TTLL7: variants seen among roughly 807,000 people sequenced by gnomAD.
The protein encoded by TTLL7 is tubulin tyrosine ligase like 7.
In TTLL7, 53 loss-of-function variants were observed where a neutral mutation model predicts 120.2. The observed-to-expected ratio is 0.44, with a 90% CI of 0.35 to 0.55. The LOEUF is 0.55. Ranked by LOEUF, TTLL7 falls within the 20% of genes least tolerant of loss-of-function variation. The pLI is 0.00. For synonymous variants in TTLL7, 353 were observed against 351.7 expected, an observed-to-expected ratio of 1.00 and a Z score of -0.04; for missense variants, 803 against 1,054.7, an observed-to-expected ratio of 0.76 and a Z score of 3.31.
intron 1 of TTLL7, among the ~76,000 whole-genome samples, chr1:83,965,626 T>G (rs1463559124): frequency 6.6e-6 from 1 of 152,180 alleles, no homozygotes; most frequent in Non-Finnish European, 1.5e-5. Flanking sequence ...CCTTATTTGA[T>G]TATTTAAATA....
intron 20 of TTLL7, among the ~76,000 whole-genome samples, chr1:83,877,421 G>A (rs1000079438): frequency 6.6e-6 from 1 of 151,984 alleles, no homozygotes; most frequent in Admixed American, 6.6e-5. Flanking sequence ...CTCCTTTGCT[G>A]TTCTCTGGGT....
At chr1:83,981,760 G>A (rs1651980755) in intron 1 of TTLL7, among the ~76,000 whole-genome samples, 1 of 151,718 alleles carries the variant, frequency 6.6e-6, no homozygotes. Context: ...TGAACCCGGG[G>A]GCGGAGCTTT....
intron 18 of TTLL7, among the ~76,000 whole-genome samples, chr1:83,899,215 C>T (rs1164665547): frequency 6.6e-6 from 1 of 151,824 alleles, no homozygotes; most frequent in Non-Finnish European, 1.5e-5. Context: ...TGAAAGCTGT[C>T]CTCTGCTTAT....
At chr1:83,923,538 AAC>A (rs199913889) in intron 10 of TTLL7, among the ~76,000 whole-genome samples, 1,529 of 152,274 alleles carry the variant, frequency 0.01, 8 homozygotes, top group Middle Eastern at 0.037. Context: ...AAACAGTTTG[AAC>A]ACACACAAAG....
intron 19 of TTLL7, among the ~76,000 whole-genome samples, chr1:83,888,992 A>G (rs1266782861): frequency 6.6e-6 from 1 of 152,016 alleles, no homozygotes; most frequent in Non-Finnish European, 1.5e-5. Flanking sequence ...GTCATACTTT[A>G]TCTGTATCTC....
intron 1 of TTLL7, among the ~76,000 whole-genome samples, chr1:83,954,260 ATTTGT>A: frequency 6.6e-6 from 1 of 152,284 alleles, no homozygotes; most frequent in South Asian, 2.1e-4. Context: ...CAAATGGCTG[ATTTGT>A]ACAGAGTTCA....
At chr1:83,904,852 T>C (rs920375783) in intron 17 of TTLL7, among the ~76,000 whole-genome samples, 2 of 152,072 alleles carry the variant, frequency 1.3e-5, no homozygotes. Flanking sequence ...TCTGAATATA[T>C]AGTCTTGTAA....
At chr1:83,920,971 C>A (rs1658598961) in intron 12 of TTLL7, 116 bp downstream of exon 12, 3 of 1,110,264 alleles carry the variant, frequency 2.7e-6, no homozygotes, top group Non-Finnish European at 3.8e-6. Flanking sequence ...AAGCAAAAAG[C>A]ACTTGCTTGG....
chr1:83,867,721 A>G lies in TTLL7; in HGVS notation c.*2241T>C, dbSNP rs910014285. On this transcript the variant is annotated 3_prime_UTR_variant, in exon 21 of 21. Transcript: ENST00000260505. ...GGCCGAGAAACTGGGCTGTTATCAT[A>G]TATCAGACACTTATATATATATTTT... 5 of 151,644 alleles carry G rather than the reference A, an allele frequency of 3.3e-5. No individual in the cohort carries two copies. The highest frequency in any genetic ancestry group is 4.1e-4 in the South Asian group (2 of 4,830). The allele number at this position is 151,644 out of a possible 1,614,324, so 9.4% of individuals were successfully genotyped here.
intron 5 of TTLL7, 73 bp downstream of exon 5, chr1:83,948,555 G>T: frequency 1.0e-6 from 1 of 990,064 alleles, no homozygotes. Flanking sequence ...GTAACCTTGT[G>T]AAAGATAGCA....
chr1:83,997,010 A>C (rs1232884810), intron 1 of TTLL7, among the ~76,000 whole-genome samples: 1 of 152,224 alleles, frequency 6.6e-6, no homozygotes, highest in Non-Finnish European at 1.5e-5. Flanking sequence ...TGTAAAGAAC[A>C]AAATGAAATG....
intron 10 of TTLL7, among the ~76,000 whole-genome samples, chr1:83,921,842 A>G (rs1186731630): frequency 1.3e-5 from 2 of 152,066 alleles, no homozygotes; most frequent in African/African-American, 4.8e-5. Context: ...TCTTCAACCC[A>G]ATTCCATTTA....
chr1:83,883,089 G>A lies in TTLL7; in HGVS notation c.2417C>T (p.Pro806Leu). 1 of 1,611,770 alleles carries A rather than the reference G, an allele frequency of 6.2e-7. No homozygotes were observed. Among genetic ancestry groups the A allele is most frequent in the Non-Finnish European group, 8.5e-7 (1 of 1,178,780 alleles). The change falls in exon 20 of 21, where the codon CCT becomes CTT. Residue 806 changes from proline (P) to leucine (L), a missense_variant. By Grantham distance (98) the Pro-to-Leu change is moderately conservative. Around this residue, in one of 3 missense-constraint regions of TTLL7, gnomAD observed 388 missense variants for 450.4 expected, o/e 0.86. Transcript: ENST00000260505. ...GCGCTGGCAACACTGGAGCTGCAAA[G>A]GAGTCACCACCTCCGGGCTTTTATT... ...IFNKSPEVVTPLQLQCCQRLV... is the reference protein window; with the variant it reads ...IFNKSPEVVTLLQLQCCQRLV...
chr1:83,952,217 C>A lies in TTLL7; in HGVS notation c.-6G>T, dbSNP rs1052790007. The A allele has an allele frequency of 3.1e-6, 5 of 1,613,904 alleles. No homozygotes were observed. The highest frequency in any genetic ancestry group is 1.3e-5 in the African/African-American group (1 of 75,034). ...TCTTGAGGCAGAGATGGCATTATTGCCTGTGCTGATTAGCAAGCAGTGTGT... is the reference window on the plus strand; with the variant it reads ...TCTTGAGGCAGAGATGGCATTATTGACTGTGCTGATTAGCAAGCAGTGTGT... On this transcript the variant is annotated 5_prime_UTR_variant, in exon 2 of 21. Coordinates refer to ENST00000260505, the MANE Select transcript of TTLL7 (RefSeq NM_024686.6).
At chr1:83,941,824 T>A (rs968710653) in intron 7 of TTLL7, among the ~76,000 whole-genome samples, 26 of 151,958 alleles carry the variant, frequency 1.7e-4, no homozygotes, top group African/African-American at 6.0e-4. Context: ...ACAAAAAAAG[T>A]CTTAATGAAA....
At chr1:83,918,657 G>C (rs938371680) in intron 13 of TTLL7, among the ~76,000 whole-genome samples, 2 of 152,048 alleles carry the variant, frequency 1.3e-5, no homozygotes, top group East Asian at 1.9e-4. Context: ...TTCTGTTTAG[G>C]AGAAATATAA....
intron 19 of TTLL7, among the ~76,000 whole-genome samples, chr1:83,888,945 G>A (rs1655202671): frequency 6.6e-6 from 1 of 151,538 alleles, no homozygotes; most frequent in Admixed American, 6.6e-5. Context: ...TCACTTAGCT[G>A]TCTTACCAAA....
chr1:83,890,631 A>T (rs1655388077), intron 18 of TTLL7, 150 bp from the exon 19 acceptor site: 1 of 561,606 alleles, frequency 1.8e-6, no homozygotes, highest in Admixed American at 3.8e-5. Flanking sequence ...TTAGCCTGGC[A>T]TTATGGCCCA....
intron 5 of TTLL7, 29 bp downstream of exon 5, chr1:83,948,599 C>A: frequency 2.0e-6 from 3 of 1,482,884 alleles, no homozygotes; most frequent in South Asian, 2.3e-5. Flanking sequence ...TTGAACAGGT[C>A]TTCTCCATTA....
Sources: allele counts gnomAD v4.1 joint callset (sites outside exome capture counted in the v4.1 genomes callset), GRCh38; gene constraint gnomAD v4.1.1; regional missense constraint gnomAD v4.1.1; transcripts MANE v1.5; gene names NCBI Gene and HGNC (gene_info 2026-07-23, HGNC 2026-07-21).